ANKRD42: variants seen among roughly 807,000 people sequenced by gnomAD.
The protein encoded by ANKRD42 is ankyrin repeat domain 42.
A neutral mutation model predicts 51.5 loss-of-function variants in ANKRD42; 43 were observed. That is an observed-to-expected ratio of 0.83 (90% CI 0.65 to 1.08). ANKRD42 has a LOEUF of 1.08. Among genes scored for constraint, ANKRD42 ranks in the 50% least tolerant of loss-of-function variants. The pLI is 0.00. For synonymous variants in ANKRD42, 203 were observed against 213.0 expected (o/e 0.95, Z 0.41); for missense variants, 608 against 629.3 (o/e 0.97, Z 0.36).
intron 5 of ANKRD42, chr11:83,212,781 G>GT (rs1862375488): frequency 2.0e-6 from 3 of 1,510,106 alleles, no homozygotes; most frequent in Non-Finnish European, 2.6e-6. Context: ...GGATCATTTT[G>GT]TTTTTTTCTG....
intron 6 of ANKRD42, 140 bp from the exon 7 acceptor site, chr11:83,227,606 TG>T: frequency 1.4e-6 from 1 of 719,362 alleles, no homozygotes; most frequent in Non-Finnish European, 2.2e-6. Flanking sequence ...CTCTTTTTAC[TG>T]GTAGTCATCA....
At chr11:83,251,062 T>C (rs1406035753), downstream of ANKRD42, among the ~76,000 whole-genome samples, 1 of 152,198 alleles carries the variant, frequency 6.6e-6, no homozygotes, top group Non-Finnish European at 1.5e-5. Context: ...AGCCTTAACC[T>C]ACCTCACCAA....
At chr11:83,205,709 C>G (rs1314966869) in intron 2 of ANKRD42, among the ~76,000 whole-genome samples, 1 of 152,162 alleles carries the variant, frequency 6.6e-6, no homozygotes, top group Non-Finnish European at 1.5e-5. Context: ...GAATTTGACT[C>G]TTAGATCTGT....
In ANKRD42 at chr11:83,193,833, A is replaced by G. The variant is rs1480276369; in HGVS notation, c.-838A>G. ...GCCGCCGCTACGGCGATTCGCAGGG[A>G]GTAGCAGACGAAGACGGTGGCCGCC... On this transcript the variant is annotated 5_prime_UTR_variant, in exon 1 of 11. Transcript: ENST00000533342. The G allele has an allele frequency of 2.2e-6, 1 of 455,554 alleles. No homozygotes were observed. Among genetic ancestry groups the G allele is most frequent in the Non-Finnish European group, 4.4e-6 (1 of 226,212 alleles). 28.2% of individuals were successfully genotyped at this position (455,554 alleles called of 1,614,324 possible). A position where few individuals can be genotyped will look rare whatever the true frequency, so the allele number is the denominator to read the frequency against.
At chr11:83,251,266 C>T (rs1272732604), downstream of ANKRD42, among the ~76,000 whole-genome samples, 1 of 152,154 alleles carries the variant, frequency 6.6e-6, no homozygotes, top group Non-Finnish European at 1.5e-5. Flanking sequence ...CACGTGATCT[C>T]TCCTTCTATC....
chr11:83,229,334 T>C (rs1190946846), intron 7 of ANKRD42, among the ~76,000 whole-genome samples: 1 of 152,194 alleles, frequency 6.6e-6, no homozygotes, highest in Non-Finnish European at 1.5e-5. Context: ...TCTGAGGTAC[T>C]GGAGGTTAGG....
intron 3 of ANKRD42, among the ~76,000 whole-genome samples, chr11:83,206,671 A>G (rs1219151316): frequency 1.3e-5 from 2 of 152,240 alleles, no homozygotes; most frequent in Non-Finnish European, 2.9e-5. Context: ...AGCCCTCACC[A>G]GACAGAATCT....
chr11:83,224,889 T>A lies in ANKRD42; in HGVS notation c.621T>A (p.Cys207Ter). ...CAGCCATGGAAGGCCACCTTCACTGTTTCAAATTCCTAGTCAGTAGAATGA... is the reference window on the plus strand; with the variant it reads ...CAGCCATGGAAGGCCACCTTCACTGATTCAAATTCCTAGTCAGTAGAATGA... ...HLAAMEGHLHCFKFLVSRMSS... is the reference protein window; with the variant it reads ...HLAAMEGHLH Residue 207 changes from cysteine (C) to a stop codon, truncating the protein, a stop_gained, in exon 6 of 11, where the codon TGT becomes TGA. Transcript: ENST00000533342. LOFTEE classifies it high-confidence loss of function. The A allele has an allele frequency of 6.2e-7, 1 of 1,606,624 alleles. No homozygotes were observed. The highest frequency in any genetic ancestry group is 1.7e-5 in the Admixed American group (1 of 59,776).
chr11:83,235,748 T>A (rs902533701), intron 7 of ANKRD42, among the ~76,000 whole-genome samples: 1 of 152,200 alleles, frequency 6.6e-6, no homozygotes, highest in African/African-American at 2.4e-5. Flanking sequence ...AATGAGCACA[T>A]TGTTGAGTGA....
intron 5 of ANKRD42, chr11:83,212,583 A>G: frequency 7.9e-7 from 1 of 1,261,888 alleles, no homozygotes. Flanking sequence ...GATACCTTAA[A>G]GAAACAAACA....
intron 9 of ANKRD42, among the ~76,000 whole-genome samples, chr11:83,244,223 C>T (rs1431639595): frequency 1.3e-5 from 2 of 151,800 alleles, no homozygotes; most frequent in South Asian, 2.1e-4. Context: ...TCAAGTGATC[C>T]GCCCGCATTG....
chr11:83,198,450 A>G, intron 1 of ANKRD42, 29 bp from the exon 2 acceptor site: 6 of 1,589,252 alleles, frequency 3.8e-6, no homozygotes, highest in Non-Finnish European at 5.2e-6. Context: ...GTTTTGTAGT[A>G]CATTGTAAGT....
At chr11:83,242,567 G>GTTTTTTTTTTGTTTGTTTGTTTTTTTT (rs770772334) in intron 9 of ANKRD42, among the ~76,000 whole-genome samples, 16 of 115,546 alleles carry the variant, frequency 1.4e-4, no homozygotes, top group African/African-American at 5.5e-4. Context: ...TGGTAGTTAA[G>GTTTTTTTTTTGTTTGTTTGTTTTTTTT]TTTTTTTTTT....
downstream of ANKRD42, chr11:83,259,177 G>C (rs1157573277): frequency 6.6e-6 from 1 of 152,150 alleles, no homozygotes; most frequent in Non-Finnish European, 1.5e-5. Context: ...TTGTAGTTTA[G>C]TGTAGGAAAA....
At chr11:83,197,245 G>A (rs576715983) in intron 1 of ANKRD42, among the ~76,000 whole-genome samples, 1 of 152,078 alleles carries the variant, frequency 6.6e-6, no homozygotes, top group Non-Finnish European at 1.5e-5. Flanking sequence ...GGACATTGCT[G>A]TCAGGTTTTT....
rs1309067830 is a variant in ANKRD42 at position 83,245,490 on chromosome 11, T to C, written c.1196-8T>C. 3 of 1,535,878 alleles carry C rather than the reference T, an allele frequency of 2.0e-6. No homozygotes were observed. The African/African-American group carries it at 4.1e-5, about 21-fold the overall frequency. On this transcript the variant is annotated splice_region_variant and splice_polypyrimidine_tract_variant and intron_variant, in intron 9 of 10. Coordinates refer to ENST00000533342, the MANE Select transcript of ANKRD42 (RefSeq NM_001300975.2). ...CTAACTAGGTTCCTACTCAACTCTG[T>C]CTTGCAGTGAGAGCTTACAAGAAAA...
At chr11:83,207,974 T>C (rs529380215) in intron 3 of ANKRD42, among the ~76,000 whole-genome samples, 12 of 152,156 alleles carry the variant, frequency 7.9e-5, no homozygotes, top group African/African-American at 2.2e-4. Context: ...AGAGAGTTTT[T>C]CCCCCCCTCC....
chr11:83,205,419 T>A (rs1345083497), intron 2 of ANKRD42, among the ~76,000 whole-genome samples: 1 of 152,222 alleles, frequency 6.6e-6, no homozygotes, highest in Non-Finnish European at 1.5e-5. Context: ...ATCCCAATGA[T>A]ATGATCAATT....
chr11:83,201,261 G>A (rs1311177444), intron 2 of ANKRD42, among the ~76,000 whole-genome samples: 1 of 152,026 alleles, frequency 6.6e-6, no homozygotes, highest in Non-Finnish European at 1.5e-5. Flanking sequence ...TTGGTTTTCT[G>A]TTCCTGTGTT....
Sources: gnomAD v4.1 joint callset for allele counts (sites outside exome capture counted in the v4.1 genomes callset) on GRCh38, gnomAD v4.1.1 for gene constraint, MANE v1.5 for transcripts, NCBI Gene and HGNC (gene_info 2026-07-23, HGNC 2026-07-21) for gene names.